Variants in FARS2 observed in about 807,000 individuals in gnomAD.
FARS2 encodes the protein phenylalanyl-tRNA synthetase 2, mitochondrial, also known as phenylalanine--tRNA ligase, mitochondrial.
FARS2 carries 40 observed loss-of-function variants against 46.4 expected under a neutral mutation model. The observed-to-expected ratio is 0.86, with a 90% confidence interval of 0.67 to 1.12. The LOEUF (loss-of-function observed/expected upper bound fraction) is 1.12, where lower values mean the gene tolerates loss of function less well. FARS2 is among the 50% of genes most tolerant of loss of function. FARS2 has a pLI of 0.00. For missense variants in FARS2, 513 were observed against 567.9 expected (o/e 0.90, Z 0.98); for synonymous variants, 234 against 214.9 (o/e 1.09, Z -0.78).
chr6:5,438,883 G>A (rs1291865987), intron 4 of FARS2, among the ~76,000 whole-genome samples: 1 of 152,324 alleles, frequency 6.6e-6, no homozygotes, highest in South Asian at 2.1e-4. Context: ...GCATCTGATA[G>A]TTCCAATGTC....
intron 2 of FARS2, among the ~76,000 whole-genome samples, chr6:5,401,282 G>C (rs190631723): frequency 1.3e-5 from 2 of 151,822 alleles, no homozygotes; most frequent in East Asian, 3.9e-4. Flanking sequence ...TTGAAATTTT[G>C]GTTGCTCTTT....
At chr6:5,512,688 A>G (rs929682226) in intron 4 of FARS2, among the ~76,000 whole-genome samples, 3 of 152,098 alleles carry the variant, frequency 2.0e-5, no homozygotes, top group East Asian at 1.9e-4. Flanking sequence ...TTGGTGACAA[A>G]GGACAATTCA....
At chr6:5,283,374 CA>C (rs1180107524) in intron 1 of FARS2, among the ~76,000 whole-genome samples, 10,840 of 55,108 alleles carry the variant, frequency 0.2, 324 homozygotes, top group Non-Finnish European at 0.22. Flanking sequence ...ACTCCTGTCT[CA>C]AAAAAAAAAA....
At chr6:5,589,303 G>A (rs1773789504) in intron 5 of FARS2, among the ~76,000 whole-genome samples, 1 of 152,176 alleles carries the variant, frequency 6.6e-6, no homozygotes, top group African/African-American at 2.4e-5. Flanking sequence ...TTGGTGTGAG[G>A]ATTAACAGAA....
At chr6:5,698,719 C>T (rs140842933) in intron 6 of FARS2, among the ~76,000 whole-genome samples, 10 of 152,264 alleles carry the variant, frequency 6.6e-5, no homozygotes, top group African/African-American at 9.6e-5. Flanking sequence ...GGTGTGGGTC[C>T]GGCTGATTAG....
chr6:5,665,951 G>A (rs1275493229), intron 6 of FARS2, among the ~76,000 whole-genome samples: 2 of 152,150 alleles, frequency 1.3e-5, no homozygotes, highest in South Asian at 4.1e-4. Context: ...TGTCATGAGG[G>A]TTTGGAGAGG....
chr6:5,724,111 A>C (rs7747282), intron 6 of FARS2, among the ~76,000 whole-genome samples: 1 of 152,028 alleles, frequency 6.6e-6, no homozygotes, highest in Non-Finnish European at 1.5e-5. Flanking sequence ...CCCACACTGC[A>C]TGGTTTCACT....
intron 1 of FARS2, among the ~76,000 whole-genome samples, chr6:5,315,173 G>A (rs1038871752): frequency 2.6e-5 from 4 of 152,294 alleles, no homozygotes; most frequent in African/African-American, 9.6e-5. Context: ...GCCTATCTGG[G>A]TATTATAATG....
chr6:5,616,810 T>C (rs1015646783), intron 6 of FARS2, among the ~76,000 whole-genome samples: 8 of 152,142 alleles, frequency 5.3e-5, no homozygotes, highest in Non-Finnish European at 7.4e-5. Flanking sequence ...CTTTCTGATA[T>C]GGCCGTAGCT....
chr6:5,273,293 A>T (rs1766093565), intron 1 of FARS2, among the ~76,000 whole-genome samples: 1 of 152,250 alleles, frequency 6.6e-6, no homozygotes, highest in Non-Finnish European at 1.5e-5. Context: ...CCAACAGTTT[A>T]CAGGGGTTCC....
At chr6:5,432,377 T>A (rs1445686705) in intron 4 of FARS2, among the ~76,000 whole-genome samples, 1 of 124,742 alleles carries the variant, frequency 8.0e-6, no homozygotes, top group Non-Finnish European at 1.6e-5. Flanking sequence ...TATTATATAT[T>A]TATATATTAT....
intron 5 of FARS2, among the ~76,000 whole-genome samples, chr6:5,593,314 T>A (rs1248641888): frequency 6.7e-6 from 1 of 149,446 alleles, no homozygotes; most frequent in East Asian, 1.9e-4. Flanking sequence ...CGGCCTCTGC[T>A]GGTGCCTTTC....
At chr6:5,515,474 G>C (rs2150412018) in intron 4 of FARS2, among the ~76,000 whole-genome samples, 1 of 152,186 alleles carries the variant, frequency 6.6e-6, no homozygotes, top group East Asian at 1.9e-4. Context: ...TGTCACCCAG[G>C]CTGGAGTGCA....
At chr6:5,552,632 G>A (rs1771436231) in intron 5 of FARS2, among the ~76,000 whole-genome samples, 1 of 152,152 alleles carries the variant, frequency 6.6e-6, no homozygotes, top group South Asian at 2.1e-4. Flanking sequence ...GAAACCCATT[G>A]TTTAAATCTA....
chr6:5,306,705 C>A (rs543978075), intron 1 of FARS2, among the ~76,000 whole-genome samples: 47 of 152,242 alleles, frequency 3.1e-4, no homozygotes, highest in African/African-American at 1.1e-3. Context: ...TATACTTAAT[C>A]CTACTTTTGG....
At chr6:5,407,342 T>C (rs530962219) in intron 3 of FARS2, among the ~76,000 whole-genome samples, 1 of 152,070 alleles carries the variant, frequency 6.6e-6, no homozygotes, top group Non-Finnish European at 1.5e-5. Context: ...TGAACTCAAA[T>C]ATGTATTTAA....
intron 4 of FARS2, among the ~76,000 whole-genome samples, chr6:5,447,872 C>A (rs1764267432): frequency 6.6e-6 from 1 of 152,208 alleles, no homozygotes; most frequent in Non-Finnish European, 1.5e-5. Flanking sequence ...GCCCCATAAG[C>A]AGATATGGTA....
At chr6:5,570,469 T>A (rs557175380) in intron 5 of FARS2, among the ~76,000 whole-genome samples, 10 of 152,324 alleles carry the variant, frequency 6.6e-5, no homozygotes, top group Admixed American at 3.3e-4. Flanking sequence ...ATTACCATAA[T>A]TTTTGCATAT....
At chr6:5,744,043 C>T (rs1182537395) in intron 6 of FARS2, among the ~76,000 whole-genome samples, 1 of 152,214 alleles carries the variant, frequency 6.6e-6, no homozygotes, top group African/African-American at 2.4e-5. Flanking sequence ...ACACTACTTC[C>T]TGTGAGACAG....
Sources: gnomAD v4.1 joint callset for allele counts (sites outside exome capture counted in the v4.1 genomes callset) on GRCh38, gnomAD v4.1.1 for gene constraint, MANE v1.5 for transcripts, NCBI Gene and HGNC (gene_info 2026-07-23, HGNC 2026-07-21) for gene names.